PRKCB: variants seen among roughly 807,000 people sequenced by gnomAD.
The protein encoded by PRKCB is protein kinase C beta, also known as protein kinase C beta type.
In PRKCB, 13 loss-of-function variants were observed where a neutral mutation model predicts 81.5. That is an observed-to-expected ratio of 0.16 (90% CI 0.10 to 0.25). The LOEUF is 0.25. Ranked by LOEUF, PRKCB falls within the 10% of genes least tolerant of loss-of-function variation. PRKCB has a pLI of 1.00. For synonymous variants in PRKCB, 335 were observed against 321.4 expected, an observed-to-expected ratio of 1.04 and a Z score of -0.45; for missense variants, 509 against 875.7, an observed-to-expected ratio of 0.58 and a Z score of 5.29.
At chr16:24,214,042 C>G (rs1177220960) in intron 16 of PRKCB, among the ~76,000 whole-genome samples, 1 of 152,180 alleles carries the variant, frequency 6.6e-6, no homozygotes, top group Admixed American at 6.5e-5. Flanking sequence ...TCCAGCTAAC[C>G]AGGGGCCTCG....
chr16:24,137,026 T>A (rs1358343414), intron 9 of PRKCB, among the ~76,000 whole-genome samples: 4 of 150,864 alleles, frequency 2.7e-5, no homozygotes, highest in Non-Finnish European at 5.9e-5. Flanking sequence ...TATATGCGCA[T>A]GCCACCATGC....
chr16:23,934,770 G>A (rs1409235828), intron 2 of PRKCB, among the ~76,000 whole-genome samples: 3 of 152,178 alleles, frequency 2.0e-5, no homozygotes, highest in Non-Finnish European at 2.9e-5. Flanking sequence ...GAGAGGAGAT[G>A]GTGCATGTCA....
chr16:24,128,332 G>A (rs2141932898), intron 9 of PRKCB, among the ~76,000 whole-genome samples: 1 of 152,294 alleles, frequency 6.6e-6, no homozygotes, highest in East Asian at 1.9e-4. Flanking sequence ...CCGAGATCGT[G>A]CCACTGCACT....
rs371443774 is a variant in PRKCB, at chr16:24,165,497, G to A, written c.1240-6773G>A. Among the ~76,000 whole-genome samples the A allele has an allele frequency of 5.3e-5, 8 of 152,270 alleles. No individual in the cohort carries two copies. The South Asian group carries it at 1.7e-3, about 32-fold the overall frequency. Reference sequence around the variant, plus strand: ...TTGCAAAAATAAGCGCTCGATGAAAGTTCTAAAACTCACTTCTCTGCTCCA... The same window carrying A: ...TTGCAAAAATAAGCGCTCGATGAAAATTCTAAAACTCACTTCTCTGCTCCA... On this transcript the variant is annotated intron_variant, in intron 10 of 16. Coordinates refer to ENST00000643927, the MANE Select transcript of PRKCB (RefSeq NM_002738.7).
rs372048613 is a variant in PRKCB, at chr16:24,095,464, TGTC to T, written c.821+1168_821+1170del. Among the ~76,000 whole-genome samples the T allele has an allele frequency of 7.7e-4, 117 of 152,204 alleles. 1 individual carries two copies. Among genetic ancestry groups the T allele is most frequent in the African/African-American group, 2.7e-3 (113 of 41,528 alleles). Reference sequence around the variant, plus strand: ...GCAGGTCCAGGTGGGGCAGTCTGGTTGTCAGGAAGGCAAAAGCCTGAAAAGACA... The same window carrying T: ...GCAGGTCCAGGTGGGGCAGTCTGGTTAGGAAGGCAAAAGCCTGAAAAGACA... On this transcript the variant is annotated intron_variant, in intron 7 of 16. Coordinates refer to ENST00000643927, the MANE Select transcript of PRKCB (RefSeq NM_002738.7).
rs979041882 is a variant in PRKCB, at chr16:24,218,326, C to G, written c.*3510C>G. 1.0e-6 allele frequency: 1 copy of G among 985,030 alleles called. No individual in the cohort carries two copies. The highest frequency in any genetic ancestry group is 1.1e-4 in the East Asian group (1 of 8,770). 61.0% of individuals were successfully genotyped at this position (985,030 alleles called of 1,614,324 possible). ...GTTGTGAACACCGGAAGTAACATGC[C>G]GAGCGCCTGGGGGATGGAAACTCCT... On this transcript the variant is annotated 3_prime_UTR_variant, in exon 17 of 17. Transcript: ENST00000643927.
intron 2 of PRKCB, among the ~76,000 whole-genome samples, chr16:23,894,414 G>A (rs1000427413): frequency 8.5e-5 from 13 of 152,166 alleles, no homozygotes; most frequent in Non-Finnish European, 1.9e-4. Flanking sequence ...TTGTCACATT[G>A]CTCTCCAGAG....
At chr16:24,046,338 G>A (rs1481385030) in intron 5 of PRKCB, among the ~76,000 whole-genome samples, 2 of 152,214 alleles carry the variant, frequency 1.3e-5, no homozygotes, top group East Asian at 3.8e-4. Context: ...CCCATGTGCT[G>A]GGCACTGCTT....
chr16:24,177,420 G>A (rs1466705745), intron 12 of PRKCB, among the ~76,000 whole-genome samples: 1 of 152,056 alleles, frequency 6.6e-6, no homozygotes, highest in Non-Finnish European at 1.5e-5. Context: ...AATCTTTTAA[G>A]CCAGTCTGCA....
chr16:24,147,462 T>C (rs1596568947), intron 9 of PRKCB, among the ~76,000 whole-genome samples: 1 of 152,266 alleles, frequency 6.6e-6, no homozygotes, highest in African/African-American at 2.4e-5. Flanking sequence ...CTTGTAGACC[T>C]GATGGAAGAA....
chr16:24,131,067 C>T (rs1966852781), intron 9 of PRKCB, among the ~76,000 whole-genome samples: 1 of 152,182 alleles, frequency 6.6e-6, no homozygotes, highest in Non-Finnish European at 1.5e-5. Flanking sequence ...ATGGAGCACG[C>T]CAGGTGTTAG....
intron 5 of PRKCB, among the ~76,000 whole-genome samples, chr16:24,064,593 G>C (rs868123052): frequency 6.6e-6 from 1 of 151,954 alleles, no homozygotes; most frequent in Non-Finnish European, 1.5e-5. Flanking sequence ...AATTAGTTTC[G>C]TTAGTTGTGT....
chr16:23,840,990 T>G (rs1962253781), intron 2 of PRKCB, among the ~76,000 whole-genome samples: 1 of 152,234 alleles, frequency 6.6e-6, no homozygotes, highest in Non-Finnish European at 1.5e-5. Flanking sequence ...ATCCCTATTG[T>G]AAAATTGCCT....
chr16:23,928,122 A>G (rs1238745179), intron 2 of PRKCB, among the ~76,000 whole-genome samples: 1 of 151,620 alleles, frequency 6.6e-6, no homozygotes, highest in Admixed American at 6.6e-5. Context: ...ACAGACGTTT[A>G]TTTTTTATTT....
chr16:23,875,156 C>T (rs796768441), intron 2 of PRKCB, among the ~76,000 whole-genome samples: 14 of 151,856 alleles, frequency 9.2e-5, no homozygotes, highest in African/African-American at 3.4e-4. Context: ...CCTGCCTCAG[C>T]CCCCACAAGT....
chr16:24,178,800 G>A (rs1967574888), intron 12 of PRKCB, among the ~76,000 whole-genome samples: 1 of 152,200 alleles, frequency 6.6e-6, no homozygotes, highest in Non-Finnish European at 1.5e-5. Flanking sequence ...ACACAGATAG[G>A]AGATGCCAGG....
intron 2 of PRKCB, among the ~76,000 whole-genome samples, chr16:23,907,105 G>T (rs1963571514): frequency 6.6e-6 from 1 of 152,186 alleles, no homozygotes; most frequent in African/African-American, 2.4e-5. Context: ...GTTGGAGCCT[G>T]TCCCATGTAG....
chr16:24,035,691 C>T (rs1965607178), intron 5 of PRKCB, 144 bp downstream of exon 5: 1 of 983,126 alleles, frequency 1.0e-6, no homozygotes, highest in East Asian at 2.7e-5. Context: ...TGCTTCTGCC[C>T]CATGCCCTGC....
chr16:24,142,830 A>AAG (rs1404836939), intron 9 of PRKCB, among the ~76,000 whole-genome samples: 1 of 152,172 alleles, frequency 6.6e-6, no homozygotes, highest in Admixed American at 6.5e-5. Flanking sequence ...GGGATCCTCA[A>AAG]AGAGATGGGA....
Sources: gnomAD v4.1 joint callset for allele counts (sites outside exome capture counted in the v4.1 genomes callset) on GRCh38, gnomAD v4.1.1 for gene constraint, MANE v1.5 for transcripts, NCBI Gene and HGNC (gene_info 2026-07-23, HGNC 2026-07-21) for gene names.